TMPRSS9: variants seen among roughly 807,000 people sequenced by gnomAD.
TMPRSS9 encodes the protein transmembrane protease serine 9.
In TMPRSS9, 113 loss-of-function variants were observed where a neutral mutation model predicts 111.4. The ratio of observed to expected loss-of-function variants is 1.01; its 90% CI spans 0.87 to 1.19. TMPRSS9 has a LOEUF of 1.19. TMPRSS9 is among the 50% of genes most tolerant of loss of function. The probability of loss-of-function intolerance (pLI) is 0.00; values close to 1 mark genes in which losing one functional copy is unlikely to be tolerated. For missense variants in TMPRSS9, 1,803 were observed against 1,513.1 expected, an observed-to-expected ratio of 1.19 and a Z score of -3.18; for synonymous variants, 805 against 659.1, an observed-to-expected ratio of 1.22 and a Z score of -3.39.
intron 11 of TMPRSS9, chr19:2,416,286 G>A (rs1409963097): frequency 2.6e-5 from 14 of 543,128 alleles, no homozygotes; most frequent in East Asian, 1.2e-4. Flanking sequence ...GGGGGCATTG[G>A]CACAGGTGTA....
rs904731463 is a variant in TMPRSS9, at chr19:2,362,110, T to G, written c.-26+1750T>G. Among the ~76,000 whole-genome samples the G allele has an allele frequency of 4.6e-5, 7 of 152,108 alleles. No individual in the cohort carries two copies. The East Asian group carries it at 5.8e-4, about 13-fold the overall frequency. ...TGTGATTGTGTATTATATGTGTGTG[T>G]GGGGTCATGAGTGATCGTTTATGTT... is the stretch of plus-strand genomic sequence containing the variant. On this transcript the variant is annotated intron_variant, in intron 1 of 17. Transcript: ENST00000649857.
At chr19:2,424,591 C>T (rs539410626) in intron 15 of TMPRSS9, among the ~76,000 whole-genome samples, 212 of 150,770 alleles carry the variant, frequency 1.4e-3, no homozygotes, top group African/African-American at 4.7e-3. Context: ...ACTTCTTTCC[C>T]CAGCCCTCGC....
intron 4 of TMPRSS9, among the ~76,000 whole-genome samples, chr19:2,399,680 T>C (rs1970788354): frequency 6.6e-6 from 1 of 152,126 alleles, no homozygotes; most frequent in African/African-American, 2.4e-5. Context: ...GAGTGTTGTG[T>C]TGTGTTGTGT....
intron 8 of TMPRSS9, among the ~76,000 whole-genome samples, chr19:2,409,026 T>TAATAAC (rs1971039007): frequency 7.2e-6 from 1 of 138,710 alleles, no homozygotes; most frequent in Admixed American, 7.2e-5. Context: ...ATAATAATAA[T>TAATAAC]AATAATGATG....
In TMPRSS9 at chr19:2,406,014, CT is replaced by C. The variant is rs749624348; in HGVS notation, c.842+483del. On this transcript the variant is annotated intron_variant, in intron 7 of 17. Coordinates refer to ENST00000648592, the Ensembl canonical transcript of TMPRSS9. Reference sequence around the variant, plus strand: ...CCCGGCCTCTTTTCTTTCTTTCTTTCTTTTTTTTTTTTTTGAGATGGAGTCT... The same window carrying C: ...CCCGGCCTCTTTTCTTTCTTTCTTTCTTTTTTTTTTTTTGAGATGGAGTCT... Among the ~76,000 whole-genome samples the C allele has an allele frequency of 0.012, 1,164 of 95,452 alleles. 65 individuals carry two copies. In the East Asian group the frequency reaches 0.21, roughly 17 times the overall value. The allele number at this position is 95,452 out of a possible 152,430, so 62.6% of individuals were successfully genotyped here.
intron 1 of TMPRSS9, among the ~76,000 whole-genome samples, chr19:2,366,244 G>T (rs72987495): frequency 0.17 from 25,365 of 149,308 alleles, 2,463 homozygotes; most frequent in Middle Eastern, 0.33. Flanking sequence ...CTACTCAGGC[G>T]GCCGAGGTGG....
At position 2,416,911 on chromosome 19, in the gene TMPRSS9, C is replaced by T. The variant is rs537200695; in HGVS notation, c.2017+102C>T. ...TCTTACCTGGACCCTAAACCAATTC[C>T]ACTGCACAGGGACCTCTGTGGCTGA... On this transcript the variant is annotated intron_variant, in intron 12 of 17. Transcript: ENST00000648592. 8 of 1,386,584 alleles carry T rather than the reference C, an allele frequency of 5.8e-6. No individual in the cohort carries two copies. The African/African-American group carries it at 1.2e-4, about 20-fold the overall frequency. 85.9% of individuals were successfully genotyped at this position (1,386,584 alleles called of 1,614,324 possible). A position where few individuals can be genotyped will look rare whatever the true frequency, so the allele number is the denominator to read the frequency against.
chr19:2,387,334 A>G (rs1320427016), upstream of TMPRSS9, among the ~76,000 whole-genome samples: 1 of 151,928 alleles, frequency 6.6e-6, no homozygotes, highest in Admixed American at 6.6e-5. Context: ...CTCTCTACTA[A>G]AAATATAAAA....
At chr19:2,406,065 C>T (rs1489209104) in intron 7 of TMPRSS9, among the ~76,000 whole-genome samples, 1 of 139,322 alleles carries the variant, frequency 7.2e-6, no homozygotes, top group East Asian at 2.1e-4. Flanking sequence ...GGCTGGAGTG[C>T]AGTGGCGTGA....
At chr19:2,409,029 T>TAATAAG (rs1971039666) in intron 8 of TMPRSS9, among the ~76,000 whole-genome samples, 1 of 127,306 alleles carries the variant, frequency 7.9e-6, no homozygotes, top group Non-Finnish European at 1.7e-5. Flanking sequence ...ATAATAATAA[T>TAATAAG]AATGATGATG....
chr19:2,406,550 G>A (rs1396540115), intron 7 of TMPRSS9, among the ~76,000 whole-genome samples: 1 of 148,134 alleles, frequency 6.8e-6, no homozygotes, highest in Non-Finnish European at 1.5e-5. Flanking sequence ...GGCCAGGCTG[G>A]TCTCGAACTC....
exon 13 of TMPRSS9, chr19:2,418,067 C>T (rs1971292287): frequency 6.2e-7 from 1 of 1,612,410 alleles, no homozygotes; most frequent in African/African-American, 1.3e-5. Context: ...CTGTAGTGTG[C>T]TCTACAACTT....
intron 1 of TMPRSS9, among the ~76,000 whole-genome samples, chr19:2,381,821 T>C (rs1203671694): frequency 7.2e-6 from 1 of 139,420 alleles, no homozygotes; most frequent in Non-Finnish European, 1.5e-5. Flanking sequence ...ATTTCAGATA[T>C]GTATTCATTC....
chr19:2,367,689 A>T (rs1024901484), intron 1 of TMPRSS9, among the ~76,000 whole-genome samples: 1 of 151,530 alleles, frequency 6.6e-6, no homozygotes, highest in Non-Finnish European at 1.5e-5. Flanking sequence ...TCAGCCTCCC[A>T]AGTAGCTGGG....
chr19:2,421,892 T>C (rs1301505120), exon 14 of TMPRSS9: 2 of 1,611,936 alleles, frequency 1.2e-6, no homozygotes, highest in Admixed American at 3.3e-5. Flanking sequence ...AGGAGGCCCC[T>C]GGCGTGTTTT....
chr19:2,398,533 G>A (rs557821739), intron 2 of TMPRSS9, among the ~76,000 whole-genome samples: 49 of 152,136 alleles, frequency 3.2e-4, no homozygotes, highest in African/African-American at 1.2e-3. Context: ...CAGCAGAATC[G>A]CTTGAACCTG....
At chr19:2,424,851 G>A in intron 15 of TMPRSS9, 151 bp from the exon 17 acceptor site, 1 of 1,000,014 alleles carries the variant, frequency 1.0e-6, no homozygotes. Flanking sequence ...TGCCTGATGG[G>A]GGAGACTGAG....
intron 11 of TMPRSS9, chr19:2,416,183 G>T (rs1324232633): frequency 2.4e-6 from 1 of 423,228 alleles, no homozygotes; most frequent in African/African-American, 2.0e-5. Context: ...AGGCTGCAGT[G>T]AGCCTGATGG....
At position 2,425,423 on chromosome 19, in the gene TMPRSS9, T is replaced by A. The variant is rs368303671; in HGVS notation, c.3050T>A (p.Phe1017Tyr). The A allele has an allele frequency of 2.5e-4, 395 of 1,587,516 alleles. 1 individual carries two copies. In the African/African-American group the frequency reaches 4.5e-3, roughly 18 times the overall value. The change falls in exon 17 of 18, where the codon TTC becomes TAC. Residue 1017 changes from phenylalanine to tyrosine, a missense_variant. Phe to Tyr is a conservative substitution (Grantham distance 22, BLOSUM62 3). Coordinates refer to ENST00000648592, the Ensembl canonical transcript of TMPRSS9. ...CTCAGCGAGCAGACCTGCCGCCGCT[T>A]CTACCCAGTGCAGATCAGCAGCCGC...
Sources: allele counts gnomAD v4.1 joint callset (sites outside exome capture counted in the v4.1 genomes callset), GRCh38; gene constraint gnomAD v4.1.1; transcripts MANE v1.5; gene names NCBI Gene and HGNC (gene_info 2026-07-23, HGNC 2026-07-21).